The following CHRNA7 variants were observed in gnomAD, a reference collection of about 807,000 sequenced individuals.
The protein encoded by CHRNA7 is neuronal acetylcholine receptor subunit alpha-7.
Under a neutral mutation model 48.0 loss-of-function variants are expected in CHRNA7, and 17 were observed. The observed-to-expected ratio is 0.35, with a 90% CI of 0.24 to 0.53. CHRNA7 has a LOEUF of 0.53. Among genes scored for constraint, CHRNA7 ranks in the 20% least tolerant of loss-of-function variants. The pLI is 0.92. For missense variants in CHRNA7, 155 were observed against 577.7 expected (o/e 0.27, Z 7.50); for synonymous variants, 75 against 242.3 (o/e 0.31, Z 6.41).
intron 2 of CHRNA7, among the ~76,000 whole-genome samples, chr15:32,076,330 T>C (rs1425676671): frequency 6.6e-6 from 1 of 152,196 alleles, no homozygotes; most frequent in Non-Finnish European, 1.5e-5. Context: ...TTGTCATCTA[T>C]GTGTTTTGAA....
Position 32,104,573 on chromosome 15 carries a change from T to C in CHRNA7, c.240+3226T>C, listed in dbSNP as rs1305319796. 2.0e-5 allele frequency among the ~76,000 whole-genome samples: 3 copies of C among 152,186 alleles called. No individual in the cohort carries two copies. In the South Asian group the frequency reaches 6.2e-4, roughly 32 times the overall value. On this transcript the variant is annotated intron_variant, in intron 3 of 9. Coordinates refer to ENST00000306901, the MANE Select transcript of CHRNA7 (RefSeq NM_000746.6). Reference sequence around the variant, plus strand: ...CATCACCCTTAGAATGTGTGCACAGTGTGGGGGACAGGGCTCCAGGTGCAT... The same window carrying C: ...CATCACCCTTAGAATGTGTGCACAGCGTGGGGGACAGGGCTCCAGGTGCAT...
intron 4 of CHRNA7, among the ~76,000 whole-genome samples, chr15:32,148,475 C>G (rs1217810793): frequency 6.6e-6 from 1 of 152,184 alleles, no homozygotes; most frequent in Non-Finnish European, 1.5e-5. Context: ...GGAGGCAAGG[C>G]TGAGCCTAGG....
At chr15:32,055,224 C>G (rs1276235572) in intron 2 of CHRNA7, among the ~76,000 whole-genome samples, 1 of 151,156 alleles carries the variant, frequency 6.6e-6, no homozygotes. Context: ...TACTATTTCT[C>G]TCTCTCTTTT....
chr15:32,067,718 G>A (rs923390262), intron 2 of CHRNA7, among the ~76,000 whole-genome samples: 2 of 152,194 alleles, frequency 1.3e-5, no homozygotes, highest in African/African-American at 4.8e-5. Context: ...TGCATACAGT[G>A]TATATAAATG....
chr15:32,142,788 G>A lies in CHRNA7; in HGVS notation c.351-11119G>A, dbSNP rs370021253. Among the ~76,000 whole-genome samples, 34 of 151,902 alleles carry A rather than the reference G, an allele frequency of 2.2e-4. No homozygotes were observed. The South Asian group carries it at 5.2e-3, about 23-fold the overall frequency. The stretch of plus-strand genomic sequence containing the variant: ...TATCCCCTTTATCATTTTTTATTGC[G>A]TCTATTTGATTTTTCTCTGTTTTCT... On this transcript the variant is annotated intron_variant, in intron 4 of 9. Transcript: ENST00000306901.
chr15:32,143,286 C>T, intron 4 of CHRNA7, among the ~76,000 whole-genome samples: 1 of 152,182 alleles, frequency 6.6e-6, no homozygotes, highest in Non-Finnish European at 1.5e-5. Flanking sequence ...GTCTGAGAGA[C>T]AGTTTCTTGT....
chr15:32,101,042 A>T, intron 2 of CHRNA7: 1 of 397,112 alleles, frequency 2.5e-6, no homozygotes, highest in Non-Finnish European at 4.4e-6. Context: ...TCTGGATGGT[A>T]AGGTTGCAGA....
chr15:32,047,174 G>C (rs1206497645), intron 2 of CHRNA7, among the ~76,000 whole-genome samples: 8 of 135,440 alleles, frequency 5.9e-5, no homozygotes, highest in African/African-American at 2.1e-4. Flanking sequence ...GGTTCCATAT[G>C]AACTTTAAAG....
At chr15:32,086,378 A>C (rs2050297763) in intron 2 of CHRNA7, among the ~76,000 whole-genome samples, 1 of 151,926 alleles carries the variant, frequency 6.6e-6, no homozygotes, top group African/African-American at 2.4e-5. Flanking sequence ...AAAAAAAAAA[A>C]AAAAAAAAAA....
At chr15:32,076,987 A>G (rs896670896) in intron 2 of CHRNA7, among the ~76,000 whole-genome samples, 2 of 152,118 alleles carry the variant, frequency 1.3e-5, no homozygotes, top group Non-Finnish European at 2.9e-5. Context: ...AGTATCTATA[A>G]TTTTACCTTT....
intron 2 of CHRNA7, among the ~76,000 whole-genome samples, chr15:32,074,360 A>G (rs1199944939): frequency 2.7e-5 from 4 of 145,974 alleles, no homozygotes; most frequent in Non-Finnish European, 6.1e-5. Context: ...ATAACATAAC[A>G]TAACATAGTG....
chr15:32,097,492 A>G (rs1252224086), intron 2 of CHRNA7, among the ~76,000 whole-genome samples: 5 of 152,114 alleles, frequency 3.3e-5, no homozygotes, highest in Non-Finnish European at 5.9e-5. Context: ...GTGGCTGCCT[A>G]TGATCCGGGA....
chr15:32,098,266 G>A (rs1442573989), intron 2 of CHRNA7, among the ~76,000 whole-genome samples: 2 of 152,122 alleles, frequency 1.3e-5, no homozygotes, highest in East Asian at 1.9e-4. Context: ...GGGTCGGGAC[G>A]TGCTTGCCAA....
intron 4 of CHRNA7, among the ~76,000 whole-genome samples, chr15:32,127,082 ACT>A (rs2051079532): frequency 1.3e-5 from 2 of 152,218 alleles, no homozygotes; most frequent in Non-Finnish European, 2.9e-5. Context: ...ACTGGCAAAC[ACT>A]AATCCATCTC....
intron 2 of CHRNA7, among the ~76,000 whole-genome samples, chr15:32,097,817 G>T (rs2050498060): frequency 6.6e-6 from 1 of 152,190 alleles, no homozygotes. Context: ...CCTCCAACTT[G>T]GGAGGGAGTG....
chr15:32,103,187 T>C (rs1306869403), intron 3 of CHRNA7: 1 of 151,900 alleles, frequency 6.6e-6, no homozygotes, highest in Non-Finnish European at 1.5e-5. Context: ...CACGTGGAGT[T>C]GAGGGATAGA....
chr15:32,095,386 A>G (rs2050451352), intron 2 of CHRNA7, among the ~76,000 whole-genome samples: 1 of 152,244 alleles, frequency 6.6e-6, no homozygotes, highest in Non-Finnish European at 1.5e-5. Flanking sequence ...CACATTGGAG[A>G]TAAAACTAAG....
chr15:32,047,559 A>G (rs1347623653), intron 2 of CHRNA7, among the ~76,000 whole-genome samples: 1 of 152,190 alleles, frequency 6.6e-6, no homozygotes, highest in Non-Finnish European at 1.5e-5. Flanking sequence ...TATCAGCTTC[A>G]GGAGATTTTG....
chr15:32,038,072 A>AT (rs57853359), intron 2 of CHRNA7, among the ~76,000 whole-genome samples: 50 of 146,186 alleles, frequency 3.4e-4, no homozygotes, highest in Non-Finnish European at 6.0e-4. Flanking sequence ...ATATATATAT[A>AT]AATATACATA....
Sources: gnomAD v4.1 joint callset for allele counts (sites outside exome capture counted in the v4.1 genomes callset) on GRCh38, gnomAD v4.1.1 for gene constraint, MANE v1.5 for transcripts, NCBI Gene and HGNC (gene_info 2026-07-23, HGNC 2026-07-21) for gene names.